Variants in GOLGA8K observed in about 807,000 individuals in gnomAD.
GOLGA8K encodes golgin A8 family member K.
Under a neutral mutation model 75.2 loss-of-function variants are expected in GOLGA8K, and 12 were observed. The ratio of observed to expected loss-of-function variants is 0.16; its 90% CI spans 0.10 to 0.26. GOLGA8K has a LOEUF of 0.26. Among genes scored for constraint, GOLGA8K ranks in the 10% least tolerant of loss-of-function variants. GOLGA8K has a pLI of 1.00. For missense variants in GOLGA8K, 109 were observed against 640.8 expected (o/e 0.17, Z 8.96); for synonymous variants, 48 against 236.6 (o/e 0.20, Z 7.32).
chr15:32,395,904 A>G (rs2054606624), intron 13 of GOLGA8K, 59 bp downstream of exon 13: 2 of 1,536,444 alleles, frequency 1.3e-6, no homozygotes, highest in Admixed American at 3.8e-5. Context: ...CCCTCCCAAG[A>G]GGCTGCTGCC....
intron 2 of GOLGA8K, among the ~76,000 whole-genome samples, chr15:32,400,856 T>G (rs2140288028): frequency 1.1e-5 from 1 of 93,856 alleles, no homozygotes; most frequent in Non-Finnish European, 2.2e-5. Flanking sequence ...TATACAGATG[T>G]GAAAAGAGAG....
chr15:32,398,040 TACATTC>T (rs2054651852), intron 8 of GOLGA8K, among the ~76,000 whole-genome samples: 1 of 152,170 alleles, frequency 6.6e-6, no homozygotes, highest in Non-Finnish European at 1.5e-5. Flanking sequence ...GAAAGGATGA[TACATTC>T]ACATAGTCCA....
rs1411923437 is a variant in GOLGA8K, at chr15:32,394,664, C to A, written c.1276+1G>T. ...CTCTTCCTCTGAGCAGTCTCCCGTACCTTCCCCAGGGAGAGCCATGAGGCT... is the reference window on the plus strand; with the variant it reads ...CTCTTCCTCTGAGCAGTCTCCCGTAACTTCCCCAGGGAGAGCCATGAGGCT... On this transcript the variant is annotated splice_donor_variant, in intron 14 of 18. Transcript: ENST00000512626. LOFTEE classifies it high-confidence loss of function. The A allele has an allele frequency of 4.6e-6, 7 of 1,507,812 alleles. No individual in the cohort carries two copies. Among genetic ancestry groups the A allele is most frequent in the Admixed American group, 3.7e-5 (2 of 53,528 alleles). The allele number at this position is 1,507,812 out of a possible 1,614,324, so 93.4% of individuals were successfully genotyped here. A position where few individuals can be genotyped will look rare whatever the true frequency, so the allele number is the denominator to read the frequency against.
chr15:32,397,595 C>T (rs2054642289), intron 8 of GOLGA8K, 92 bp from the exon 9 acceptor site: 1 of 1,418,564 alleles, frequency 7.0e-7, no homozygotes, highest in South Asian at 1.2e-5. Context: ...GCCCAATATA[C>T]AACTCGGTCA....
rs1408526270 is a variant in GOLGA8K at position 32,395,414 on chromosome 15, CT to C, written c.1200+548del. ...TTTGTTTTCAGACAAGAGTGTCACT[CT>C]GTGGCCCAGGCTGGAGTGCAGTGGT... On this transcript the variant is annotated intron_variant, in intron 13 of 18. Transcript: ENST00000512626. 4.2e-5 allele frequency among the ~76,000 whole-genome samples: 6 copies of C among 142,078 alleles called. No homozygotes were observed. In the East Asian group the frequency reaches 1.1e-3, roughly 26 times the overall value. The allele number at this position is 142,078 out of a possible 152,430, so 93.2% of individuals were successfully genotyped here.
At chr15:32,397,567 T>C in intron 8 of GOLGA8K, 64 bp from the exon 9 acceptor site, 1 of 1,492,508 alleles carries the variant, frequency 6.7e-7, no homozygotes, top group East Asian at 2.3e-5. Context: ...CAGTGCCCCT[T>C]AACAGGGCTA....
In GOLGA8K at chr15:32,394,277, G is replaced by A. The variant is rs1406861032; in HGVS notation, c.1277-44C>T. ...GGGGTCTTCAGACAACCCAACAAGG[G>A]AGGTACTGTGGGCCCACCTCTACCT... On this transcript the variant is annotated intron_variant, in intron 14 of 18. Transcript: ENST00000512626. The A allele has an allele frequency of 4.2e-6, 5 of 1,189,998 alleles. No individual in the cohort carries two copies. In the African/African-American group the frequency reaches 6.8e-5, roughly 16 times the overall value. The allele number at this position is 1,189,998 out of a possible 1,614,324, so 73.7% of individuals were successfully genotyped here.
chr15:32,397,662 G>A (rs1380386515), intron 8 of GOLGA8K, among the ~76,000 whole-genome samples, 159 bp from the exon 9 acceptor site: 1 of 152,040 alleles, frequency 6.6e-6, no homozygotes, highest in East Asian at 1.9e-4. Context: ...ACACAGTAAA[G>A]TTGGAACGGA....
intron 14 of GOLGA8K, 38 bp downstream of exon 14, chr15:32,394,627 T>C (rs2054582597): frequency 1.5e-6 from 2 of 1,310,572 alleles, no homozygotes; most frequent in Non-Finnish European, 2.1e-6. Context: ...CCCTTCCTCC[T>C]GGGGCTCTCT....
intron 8 of GOLGA8K, among the ~76,000 whole-genome samples, chr15:32,397,761 CT>C: frequency 6.6e-6 from 1 of 152,242 alleles, no homozygotes; most frequent in African/African-American, 2.4e-5. Flanking sequence ...ATTATTACCA[CT>C]GTTTGAACCT....
rs1322927138 is a variant in GOLGA8K, at chr15:32,391,933, C to T, written c.*849G>A. 6.2e-4 allele frequency among the ~76,000 whole-genome samples: 1 copy of T among 1,616 alleles called. No homozygotes were observed. The highest frequency in any genetic ancestry group is 0.014 in the South Asian group (1 of 70). The allele number at this position is 1,616 out of a possible 152,430, so 1.1% of individuals were successfully genotyped here. Reference sequence around the variant, plus strand: ...AAAGGTTTTCCACATCCACAGTCAACGATGGGAACCTTTCATTCCTCAGAA... The same window carrying T: ...AAAGGTTTTCCACATCCACAGTCAATGATGGGAACCTTTCATTCCTCAGAA... On this transcript the variant is annotated 3_prime_UTR_variant, in exon 19 of 19. Coordinates refer to ENST00000512626, the MANE Select transcript of GOLGA8K (RefSeq NM_001282493.2).
intron 13 of GOLGA8K, among the ~76,000 whole-genome samples, 165 bp from the exon 14 acceptor site, chr15:32,394,905 T>A (rs1177539921): frequency 6.9e-6 from 1 of 145,006 alleles, no homozygotes; most frequent in East Asian, 2.2e-4. Context: ...GTTCATTAGC[T>A]GGGTCTGCTG....
intron 13 of GOLGA8K, 109 bp from the exon 14 acceptor site, chr15:32,394,849 C>A: frequency 1.6e-6 from 2 of 1,274,512 alleles, no homozygotes; most frequent in Non-Finnish European, 2.2e-6. Context: ...TTTTGGCAGG[C>A]CATCTCAGCC....
At chr15:32,397,540 G>A (rs2054640858) in intron 8 of GOLGA8K, 37 bp from the exon 9 acceptor site, 2 of 1,409,722 alleles carry the variant, frequency 1.4e-6, no homozygotes, top group East Asian at 2.3e-5. Context: ...AATCTGGAGA[G>A]CCTGGGCATT....
rs528985042 is a variant in GOLGA8K at position 32,397,328 on chromosome 15, G to A, written c.679-18C>T. The A allele has an allele frequency of 1.2e-3, 1,905 of 1,564,174 alleles. 179 individuals are homozygous for A. The highest frequency in any genetic ancestry group is 1.6e-3 in the Non-Finnish European group (1,798 of 1,142,538). On this transcript the variant is annotated intron_variant, in intron 9 of 18. Coordinates refer to ENST00000512626, the MANE Select transcript of GOLGA8K (RefSeq NM_001282493.2). The stretch of plus-strand genomic sequence containing the variant: ...TCCTTCAACTGCAAGAATGGGCACA[G>A]AACTTAGGAAGGGCTGTCACTGGTC...
Position 32,397,468 on chromosome 15 carries a change from C to A in GOLGA8K, c.627G>T (p.Lys209Asn), listed in dbSNP as rs1419195920. 3.6e-5 allele frequency: 56 copies of A among 1,550,402 alleles called. 1 individual carries two copies. In the Middle Eastern group the frequency reaches 2.3e-3, roughly 62 times the overall value. ...CCTCCTCCCGCATGGACTGCTCTAA[C>A]TTCCACTCCGTACGTGCTTTGCTGC... ...SSRSKARTEW[K>N]LEQSMREEAL... Residue 209 changes from lysine to asparagine, a missense_variant, in exon 9 of 19, where the codon AAG becomes AAT. Lys to Asn is a moderately conservative substitution (Grantham distance 94). Coordinates refer to ENST00000512626, the MANE Select transcript of GOLGA8K (RefSeq NM_001282493.2).
chr15:32,394,182 G>C lies in GOLGA8K; in HGVS notation c.1328C>G (p.Pro443Arg), dbSNP rs779617665. Residue 443 changes from proline to arginine, a missense_variant, in exon 15 of 19, where the codon CCG (proline) becomes CGG (arginine). By Grantham distance (103) the Pro-to-Arg change is moderately radical. Coordinates refer to ENST00000512626, the MANE Select transcript of GOLGA8K (RefSeq NM_001282493.2). ...SEGEEAPQPM[P>R]SVPEDLESRE... Reference sequence around the variant, plus strand: ...GCTCTCCAGGTCCTCTGGGACACTCGGCATGGGCTGAGGTGCCTCCTCCCC... The same window carrying C: ...GCTCTCCAGGTCCTCTGGGACACTCCGCATGGGCTGAGGTGCCTCCTCCCC... 1.5e-6 allele frequency: 2 copies of C among 1,376,734 alleles called. No individual in the cohort carries two copies. The highest frequency in any genetic ancestry group is 4.0e-5 in the African/African-American group (2 of 50,274). 85.3% of individuals were successfully genotyped at this position (1,376,734 alleles called of 1,614,324 possible).
At chr15:32,396,751 T>G (rs1330073593) in intron 11 of GOLGA8K, among the ~76,000 whole-genome samples, 169 bp downstream of exon 11, 1 of 144,556 alleles carries the variant, frequency 6.9e-6, no homozygotes, top group African/African-American at 2.6e-5. Context: ...ATGGGGACAC[T>G]GAGACACTGA....
chr15:32,395,740 T>C (rs2054603878), intron 13 of GOLGA8K, among the ~76,000 whole-genome samples: 2 of 147,094 alleles, frequency 1.4e-5, no homozygotes, highest in Admixed American at 6.9e-5. Context: ...GGGGGCTCCA[T>C]GCCTCTAGCT....
Sources: allele counts gnomAD v4.1 joint callset (sites outside exome capture counted in the v4.1 genomes callset), GRCh38; gene constraint gnomAD v4.1.1; transcripts MANE v1.5; gene names NCBI Gene and HGNC (gene_info 2026-07-23, HGNC 2026-07-21).